ZFYVE28: variants seen among roughly 807,000 people sequenced by gnomAD.
ZFYVE28 encodes the protein lateral signaling target protein 2 homolog.
In ZFYVE28, 40 loss-of-function variants were observed where a neutral mutation model predicts 82.1. The ratio of observed to expected loss-of-function variants is 0.49; its 90% CI spans 0.38 to 0.63. The LOEUF (loss-of-function observed/expected upper bound fraction) is 0.63. Among genes scored for constraint, ZFYVE28 ranks in the 30% least tolerant of loss-of-function variants. ZFYVE28 has a pLI of 0.00. For synonymous variants in ZFYVE28, 612 were observed against 546.1 expected (o/e 1.12, Z -1.68); for missense variants, 1,321 against 1,242.1 (o/e 1.06, Z -0.96).
intron 1 of ZFYVE28, among the ~76,000 whole-genome samples, chr4:2,401,074 A>C (rs922401244): frequency 3.9e-5 from 6 of 152,158 alleles, no homozygotes; most frequent in African/African-American, 1.4e-4. Flanking sequence ...AGGTGAGCAC[A>C]GTGGGGGATG....
chr4:2,296,154 G>C (rs1714539605), intron 8 of ZFYVE28, among the ~76,000 whole-genome samples: 1 of 152,204 alleles, frequency 6.6e-6, no homozygotes, highest in Non-Finnish European at 1.5e-5. Flanking sequence ...CTCTAGGCCA[G>C]CTGTGAATTG....
chr4:2,401,049 C>A (rs533474411), intron 1 of ZFYVE28, among the ~76,000 whole-genome samples: 20 of 152,314 alleles, frequency 1.3e-4, no homozygotes, highest in Non-Finnish European at 2.4e-4. Flanking sequence ...TCACACACAC[C>A]CTGAGAATGT....
At chr4:2,381,990 A>G (rs1406738309) in intron 1 of ZFYVE28, among the ~76,000 whole-genome samples, 1 of 152,238 alleles carries the variant, frequency 6.6e-6, no homozygotes, top group Non-Finnish European at 1.5e-5. Flanking sequence ...AAAGGGGTCA[A>G]TGCAGAACTC....
chr4:2,401,720 C>T (rs1731202319), intron 1 of ZFYVE28, among the ~76,000 whole-genome samples: 1 of 152,154 alleles, frequency 6.6e-6, no homozygotes, highest in Non-Finnish European at 1.5e-5. Context: ...GCACCGCAGT[C>T]CACCCCAAGA....
intron 1 of ZFYVE28, among the ~76,000 whole-genome samples, chr4:2,414,996 CTGGGAG>C (rs1344221256): frequency 1.3e-5 from 2 of 152,210 alleles, no homozygotes; most frequent in African/African-American, 4.8e-5. Context: ...CCGTCTCTTC[CTGGGAG>C]TGTTCAAAGT....
At chr4:2,351,884 G>C (rs193171229) in intron 2 of ZFYVE28, among the ~76,000 whole-genome samples, 1 of 152,282 alleles carries the variant, frequency 6.6e-6, no homozygotes, top group East Asian at 1.9e-4. Flanking sequence ...TTCGTTTATG[G>C]TTCTGGCTTA....
In ZFYVE28 at chr4:2,304,312, C is replaced by A. The variant is rs189323732; in HGVS notation, c.2028G>T (p.Ala676=). 4 of 1,593,412 alleles carry A rather than the reference C, an allele frequency of 2.5e-6. No homozygotes were observed. Among genetic ancestry groups the A allele is most frequent in the Middle Eastern group, 1.7e-4 (1 of 5,990 alleles). Residue 676 remains alanine (A), a synonymous_variant, in exon 8 of 13, where the codon GCG becomes GCT. Coordinates refer to ENST00000290974, the MANE Select transcript of ZFYVE28 (RefSeq NM_020972.3). ...ACCTGGAGCCCGACAGGGCCTGAGGCGCCTCGTGAGCCGAGGGGCTCCCAG... is the reference window on the plus strand; with the variant it reads ...ACCTGGAGCCCGACAGGGCCTGAGGAGCCTCGTGAGCCGAGGGGCTCCCAG... ...LHAGSPSAHE[A]PQALSGSSSS...
intron 2 of ZFYVE28, among the ~76,000 whole-genome samples, chr4:2,347,582 A>G (rs183370801): frequency 2.2e-4 from 33 of 152,330 alleles, no homozygotes; most frequent in African/African-American, 7.9e-4. Flanking sequence ...TCTGACCACA[A>G]TGGAATTAAA....
intron 1 of ZFYVE28, among the ~76,000 whole-genome samples, chr4:2,405,418 C>G (rs1731768972): frequency 6.6e-6 from 1 of 152,260 alleles, no homozygotes; most frequent in Non-Finnish European, 1.5e-5. Context: ...ATTTCAGACG[C>G]TGTGGGAGGC....
At chr4:2,331,848 G>T (rs960365769) in intron 6 of ZFYVE28, among the ~76,000 whole-genome samples, 12 of 152,208 alleles carry the variant, frequency 7.9e-5, no homozygotes, top group African/African-American at 2.9e-4. Flanking sequence ...CAATCTGAAG[G>T]CCTCAGTTTA....
Position 2,304,272 on chromosome 4 carries a change from G to A in ZFYVE28, c.2051+17C>T, listed in dbSNP as rs1443193184. On this transcript the variant is annotated intron_variant, in intron 8 of 12. Transcript: ENST00000290974. ...CAGAGAGGACAAACCCAGTCTCTGG[G>A]CCAGACTGGCTCTTACCTGGAGCCC... The A allele has an allele frequency of 4.5e-6, 7 of 1,545,258 alleles. No homozygotes were observed. The highest frequency in any genetic ancestry group is 6.1e-6 in the Non-Finnish European group (7 of 1,155,334).
intron 1 of ZFYVE28, among the ~76,000 whole-genome samples, chr4:2,368,224 A>AAAAAAAAAAAAAAAAAAAC (rs1727117657): frequency 6.6e-6 from 1 of 150,956 alleles, no homozygotes; most frequent in Admixed American, 6.6e-5. Flanking sequence ...AAAAAAAAAA[A>AAAAAAAAAAAAAAAAAAAC]AAAAAACACT....
Position 2,304,880 on chromosome 4 carries a change from T to TCCAGGC in ZFYVE28, c.1459_1460insGCCTGG (p.His487delinsArgLeuAsp). The TCCAGGC allele has an allele frequency of 6.2e-7, 1 of 1,612,656 alleles. No individual in the cohort carries two copies. Among genetic ancestry groups the TCCAGGC allele is most frequent in the Non-Finnish European group, 8.5e-7 (1 of 1,179,858 alleles). On this transcript the variant is annotated protein_altering_variant, in exon 8 of 13. Coordinates refer to ENST00000290974, the MANE Select transcript of ZFYVE28 (RefSeq NM_020972.3). ...CGCACCCACCTCCCAGCCGTCCAGG[T>TCCAGGC]GCAGCCGCGAGTCCAGGCAGCTGCA...
At chr4:2,322,138 C>T (rs539013808) in intron 6 of ZFYVE28, among the ~76,000 whole-genome samples, 11 of 152,356 alleles carry the variant, frequency 7.2e-5, no homozygotes, top group African/African-American at 1.9e-4. Context: ...GGTGCCCGAA[C>T]GACAGAGAGA....
At chr4:2,403,789 A>G (rs1731461239) in intron 1 of ZFYVE28, among the ~76,000 whole-genome samples, 1 of 151,892 alleles carries the variant, frequency 6.6e-6, no homozygotes, top group Admixed American at 6.6e-5. Flanking sequence ...ACATGGTGAA[A>G]CCCCGTCTCT....
chr4:2,347,130 TGGC>T (rs1723713387), intron 2 of ZFYVE28, among the ~76,000 whole-genome samples: 1 of 152,024 alleles, frequency 6.6e-6, no homozygotes, highest in East Asian at 1.9e-4. Context: ...AAAGCTGGAG[TGGC>T]TACATGAATA....
chr4:2,401,979 C>G (rs1731234304), intron 1 of ZFYVE28, among the ~76,000 whole-genome samples: 1 of 152,210 alleles, frequency 6.6e-6, no homozygotes, highest in South Asian at 2.1e-4. Context: ...GGATTTGGGT[C>G]GGGCAGCTCA....
chr4:2,305,216 G>A lies in ZFYVE28; in HGVS notation c.1124C>T (p.Ala375Val), dbSNP rs151119461. The part of the protein sequence containing the change: ...ACQSPAHRPG[A>V]EGSPGGEASP... ...GGCCTCCCCGCCTGGGCTGCCCTCC[G>A]CTCCTGGCCTGTGAGCTGGGGACTG... is the stretch of plus-strand genomic sequence containing the variant. The change falls in exon 8 of 13, where the codon GCG becomes GTG. Residue 375 changes from alanine to valine, a missense_variant. By Grantham distance (64) the Ala-to-Val change is moderately conservative (BLOSUM62 0). This residue lies in a region of ZFYVE28 where 978 missense variants were observed against 833.7 expected (regional missense o/e 1.17). Coordinates refer to ENST00000290974, the MANE Select transcript of ZFYVE28 (RefSeq NM_020972.3). 113 of 1,608,078 alleles carry A rather than the reference G, an allele frequency of 7.0e-5. 1 individual carries two copies. The highest frequency in any genetic ancestry group is 2.8e-4 in the Admixed American group (17 of 59,860).
chr4:2,291,090 T>C (rs1366326842), intron 8 of ZFYVE28, among the ~76,000 whole-genome samples: 1 of 152,186 alleles, frequency 6.6e-6, no homozygotes, highest in Non-Finnish European at 1.5e-5. Context: ...GCCCTTCTCG[T>C]CTCGCACCTT....
Sources: allele counts gnomAD v4.1 joint callset (sites outside exome capture counted in the v4.1 genomes callset), GRCh38; gene constraint gnomAD v4.1.1; regional missense constraint gnomAD v4.1.1; transcripts MANE v1.5; gene names NCBI Gene and HGNC (gene_info 2026-07-23, HGNC 2026-07-21).